Variants in C3orf52 observed in about 807,000 individuals in gnomAD.
C3orf52 encodes the protein chromosome 3 open reading frame 52.
C3orf52 carries 22 observed loss-of-function variants against 24.8 expected under a neutral mutation model. That is an observed-to-expected ratio of 0.89 (90% CI 0.63 to 1.27). C3orf52 has a LOEUF of 1.27. Among genes scored for constraint, C3orf52 ranks in the 50% most tolerant of loss-of-function variants. C3orf52 has a pLI of 0.00. For missense variants in C3orf52, 265 were observed against 260.7 expected (o/e 1.02, Z -0.11); for synonymous variants, 93 against 100.2 (o/e 0.93, Z 0.43).
rs573626275 is a variant in C3orf52, at chr3:112,128,165, C to A, written c.*47-68C>A. On this transcript the variant is annotated intron_variant, in intron 4 of 4. Coordinates refer to the C3orf52 transcript ENST00000480282. ...TTTCTGTGGAAAACTTTTTTTCTCC[C>A]CGCAAGCGTGTTTCATTCTAGATAA... 3.9e-5 allele frequency: 37 copies of A among 952,194 alleles called. No individual in the cohort carries two copies. In the African/African-American group the frequency reaches 5.5e-4, roughly 14 times the overall value. 59.0% of individuals were successfully genotyped at this position (952,194 alleles called of 1,614,324 possible).
chr3:112,135,845 G>T (rs1005505900), downstream of C3orf52, among the ~76,000 whole-genome samples: 1 of 152,094 alleles, frequency 6.6e-6, no homozygotes, highest in Non-Finnish European at 1.5e-5. Flanking sequence ...CTAATGACTT[G>T]TATAATCTAG....
intron 3 of C3orf52, among the ~76,000 whole-genome samples, chr3:112,104,914 C>T (rs2074009480): frequency 6.6e-6 from 1 of 152,140 alleles, no homozygotes; most frequent in African/African-American, 2.4e-5. Context: ...TGCTACTTTC[C>T]TCTTGGCTGC....
downstream of C3orf52, chr3:112,129,176 C>T (rs374156250): frequency 2.0e-5 from 3 of 152,172 alleles, no homozygotes; most frequent in African/African-American, 7.2e-5. Flanking sequence ...GCTAAGGAAA[C>T]ATCGTAAGAA....
intron 5 of C3orf52, among the ~76,000 whole-genome samples, chr3:112,113,667 C>T (rs1450847483): frequency 6.6e-6 from 1 of 151,994 alleles, no homozygotes; most frequent in East Asian, 1.9e-4. Context: ...TATTCCTTTC[C>T]TTAGAAAATT....
intron 5 of C3orf52, among the ~76,000 whole-genome samples, chr3:112,114,034 T>C (rs919863292): frequency 6.6e-6 from 1 of 152,210 alleles, no homozygotes; most frequent in Non-Finnish European, 1.5e-5. Context: ...CAGTAAATAC[T>C]AGTTGAATGA....
At chr3:112,105,539 CGTGTGT>C (rs3082397) in intron 3 of C3orf52, among the ~76,000 whole-genome samples, 8,941 of 147,356 alleles carry the variant, frequency 0.061, 280 homozygotes, top group African/African-American at 0.081. Context: ...CTTCTTTGGC[CGTGTGT>C]GTGTGTGTGT....
chr3:112,090,585 G>C (rs2073868649), intron 1 of C3orf52, among the ~76,000 whole-genome samples: 1 of 152,168 alleles, frequency 6.6e-6, no homozygotes, highest in Non-Finnish European at 1.5e-5. Flanking sequence ...GGTCAGTGAG[G>C]GCACTAGGCT....
chr3:112,130,357 C>T (rs1188912284), downstream of C3orf52: 3 of 1,016,060 alleles, frequency 3.0e-6, no homozygotes, highest in East Asian at 4.7e-5. Flanking sequence ...ACAGGGCCCT[C>T]TCTCACTGGG....
At chr3:112,103,872 C>G (rs9867907) in intron 3 of C3orf52, among the ~76,000 whole-genome samples, 9,345 of 152,168 alleles carry the variant, frequency 0.061, 392 homozygotes, top group African/African-American at 0.12. Context: ...GGAAGGCAGG[C>G]GTCAGGTCAT....
downstream of C3orf52, chr3:112,130,266 A>G: frequency 1.6e-6 from 1 of 617,510 alleles, no homozygotes; most frequent in South Asian, 1.9e-5. Context: ...AAAGTAGCAT[A>G]TCTCCTGTCC....
At chr3:112,133,370 A>G (rs2074505100), downstream of C3orf52, 7 of 443,928 alleles carry the variant, frequency 1.6e-5, no homozygotes, top group East Asian at 2.8e-4. Context: ...GGCCATAACC[A>G]GCAACTACCC....
At chr3:112,113,581 G>A (rs1002525948) in intron 5 of C3orf52, among the ~76,000 whole-genome samples, 7 of 152,014 alleles carry the variant, frequency 4.6e-5, no homozygotes, top group African/African-American at 9.7e-5. Context: ...TCTCAATATG[G>A]GGAACCTATT....
chr3:112,123,984 T>A (rs2074253913), intron 4 of C3orf52, among the ~76,000 whole-genome samples: 1 of 151,658 alleles, frequency 6.6e-6, no homozygotes, highest in South Asian at 2.1e-4. Flanking sequence ...CTCAGGTGCA[T>A]CCTCTGCCCC....
At chr3:112,122,837 A>G (rs937979356), downstream of C3orf52, 7 of 152,304 alleles carry the variant, frequency 4.6e-5, no homozygotes, top group African/African-American at 1.7e-4. Flanking sequence ...GGAGAAATAC[A>G]AAGTTAAAAA....
At chr3:112,097,407 C>A (rs535043437) in intron 2 of C3orf52, among the ~76,000 whole-genome samples, 81 of 152,290 alleles carry the variant, frequency 5.3e-4, no homozygotes, top group Non-Finnish European at 6.6e-4. Context: ...CATTATACCC[C>A]AGATTCTTGC....
intron 1 of C3orf52, among the ~76,000 whole-genome samples, chr3:112,092,671 G>C (rs2073889550): frequency 6.6e-6 from 1 of 152,222 alleles, no homozygotes; most frequent in Non-Finnish European, 1.5e-5. Context: ...CATAGCAGTT[G>C]TACTTGTTTT....
intron 2 of C3orf52, among the ~76,000 whole-genome samples, chr3:112,095,371 A>G (rs557018711): frequency 6.6e-6 from 1 of 152,272 alleles, no homozygotes; most frequent in Non-Finnish European, 1.5e-5. Context: ...CTAGAAGTTG[A>G]TATTTGGATC....
intron 3 of C3orf52, 87 bp from the exon 4 acceptor site, chr3:112,109,456 G>T: frequency 1.4e-6 from 1 of 720,614 alleles, no homozygotes; most frequent in Non-Finnish European, 2.3e-6. Context: ...AATCTCCTCT[G>T]CCTTAGAAGC....
At chr3:112,120,180 G>T (rs2074174239), downstream of C3orf52, among the ~76,000 whole-genome samples, 1 of 152,196 alleles carries the variant, frequency 6.6e-6, no homozygotes, top group Non-Finnish European at 1.5e-5. Context: ...TTCACAGTTG[G>T]CAGAGCCAAG....
Sources: gnomAD v4.1 joint callset for allele counts (sites outside exome capture counted in the v4.1 genomes callset) on GRCh38, gnomAD v4.1.1 for gene constraint, MANE v1.5 for transcripts, NCBI Gene and HGNC (gene_info 2026-07-23, HGNC 2026-07-21) for gene names.